KLHDC4: variants seen among roughly 807,000 people sequenced by gnomAD.
The protein encoded by KLHDC4 is kelch domain containing 4, also known as kelch domain-containing protein 4.
KLHDC4 carries 90 observed loss-of-function variants against 62.4 expected under a neutral mutation model. The observed-to-expected ratio is 1.44, with a 90% CI of 1.22 to 1.72. The LOEUF is 1.72. Ranked by LOEUF, KLHDC4 falls within the 40% of genes most tolerant of loss-of-function variation. KLHDC4 has a pLI of 0.00. For missense variants in KLHDC4, 1,025 were observed against 699.7 expected (o/e 1.47, Z -5.25); for synonymous variants, 386 against 284.4 (o/e 1.36, Z -3.59).
chr16:87,743,305 G>A (rs535427826), intron 5 of KLHDC4, among the ~76,000 whole-genome samples: 19 of 152,036 alleles, frequency 1.2e-4, no homozygotes, highest in African/African-American at 3.1e-4. Flanking sequence ...ATGTTGTCCC[G>A]GCTGGTCTCA....
At chr16:87,743,459 G>C (rs563909664) in intron 5 of KLHDC4, among the ~76,000 whole-genome samples, 1 of 152,082 alleles carries the variant, frequency 6.6e-6, no homozygotes, top group Non-Finnish European at 1.5e-5. Context: ...AATAAACCTG[G>C]CCAGGCGCCG....
At chr16:87,765,545 T>A (rs760355226) in intron 1 of KLHDC4, among the ~76,000 whole-genome samples, 3 of 151,670 alleles carry the variant, frequency 2.0e-5, no homozygotes, top group Non-Finnish European at 4.4e-5. Context: ...GACACCACAC[T>A]AAGAAAAGCA....
chr16:87,742,847 G>C (rs1403740775), intron 5 of KLHDC4: 2 of 152,214 alleles, frequency 1.3e-5, no homozygotes, highest in Non-Finnish European at 2.9e-5. Flanking sequence ...GGCCCCTCCA[G>C]ACGAGTTGCC....
Position 87,759,133 on chromosome 16 carries a change from T to C in KLHDC4, c.192-2656A>G, listed in dbSNP as rs1408324099. Among the ~76,000 whole-genome samples the C allele has an allele frequency of 4.6e-5, 7 of 152,066 alleles. No individual in the cohort carries two copies. The East Asian group carries it at 5.8e-4, about 13-fold the overall frequency. On this transcript the variant is annotated intron_variant, in intron 2 of 11. Coordinates refer to ENST00000270583, the MANE Select transcript of KLHDC4 (RefSeq NM_017566.4). ...GTTGCGGTGAGCCGATATCATACCA[T>C]TGCACTCCAGCCTGGGCAACAAGAG...
At chr16:87,741,460 C>T (rs1387217184) in intron 5 of KLHDC4, among the ~76,000 whole-genome samples, 1 of 152,190 alleles carries the variant, frequency 6.6e-6, no homozygotes, top group Non-Finnish European at 1.5e-5. Flanking sequence ...GCTGCACACA[C>T]CATAGATCCA....
chr16:87,762,222 C>T (rs1688270024), intron 1 of KLHDC4, 182 bp from the exon 2 acceptor site: 6 of 1,302,252 alleles, frequency 4.6e-6, no homozygotes, highest in Non-Finnish European at 6.1e-6. Flanking sequence ...CAGAGCTTGA[C>T]CTCAAAGGCA....
chr16:87,709,171 T>C, intron 10 of KLHDC4, 94 bp downstream of exon 10: 1 of 1,485,188 alleles, frequency 6.7e-7, no homozygotes, highest in Non-Finnish European at 9.1e-7. Context: ...ACAGGCCGCC[T>C]CTGGGCAGCT....
At chr16:87,699,657 C>G (rs1263598990) in exon 1 of KLHDC4, 1 of 152,462 alleles carries the variant, frequency 6.6e-6, no homozygotes, top group African/African-American at 2.4e-5. Context: ...AGAGATCGCG[C>G]CACTGCACTC....
At chr16:87,717,220 G>C (rs569355917) in intron 7 of KLHDC4, among the ~76,000 whole-genome samples, 6 of 152,336 alleles carry the variant, frequency 3.9e-5, no homozygotes, top group African/African-American at 1.4e-4. Context: ...GACAGAGTGA[G>C]ACTTCTCAAA....
chr16:87,759,812 T>C (rs1033072069), intron 2 of KLHDC4, among the ~76,000 whole-genome samples: 16 of 152,272 alleles, frequency 1.1e-4, no homozygotes, highest in African/African-American at 3.6e-4. Context: ...ACCTATTGAT[T>C]TTCTGCAGAA....
chr16:87,724,784 C>T (rs929944266), intron 7 of KLHDC4, among the ~76,000 whole-genome samples: 1 of 152,176 alleles, frequency 6.6e-6, no homozygotes, highest in African/African-American at 2.4e-5. Flanking sequence ...TATTAAATAA[C>T]ACCCACACCC....
chr16:87,765,315 G>C (rs1308559929), intron 1 of KLHDC4: 3 of 456,292 alleles, frequency 6.6e-6, no homozygotes, highest in Non-Finnish European at 1.3e-5. Context: ...TCACTGCTCA[G>C]GGCTGCTGTG....
At chr16:87,700,975 G>A (rs1454061688) in exon 1 of KLHDC4, 5 of 217,256 alleles carry the variant, frequency 2.3e-5, no homozygotes, top group South Asian at 1.5e-4. Flanking sequence ...TGAGGCAGTC[G>A]GTACGCAGAA....
At chr16:87,747,404 G>C (rs1401835550) in intron 5 of KLHDC4, among the ~76,000 whole-genome samples, 1 of 152,248 alleles carries the variant, frequency 6.6e-6, no homozygotes, top group Non-Finnish European at 1.5e-5. Context: ...GGACAACTGT[G>C]TGCTGAGTGG....
chr16:87,758,644 T>G (rs1197145315), intron 2 of KLHDC4, among the ~76,000 whole-genome samples: 1 of 152,082 alleles, frequency 6.6e-6, no homozygotes, highest in East Asian at 1.9e-4. Flanking sequence ...GGGCCACGCA[T>G]AAAATACACT....
Position 87,748,718 on chromosome 16 carries a change from T to C in KLHDC4, c.461A>G (p.Asp154Gly). Reference sequence around the variant, plus strand: ...GGTGGCCAAATGCAGGACCCAGAGATCCTTGTAGTGGTAGAACTGCTCTCC... The same window carrying C: ...GGTGGCCAAATGCAGGACCCAGAGACCCTTGTAGTGGTAGAACTGCTCTCC... ...PNGEQFYHYK[D>G]LWVLHLATKT... The change falls in exon 5 of 12, where the codon GAT becomes GGT. Residue 154 changes from aspartate (D) to glycine (G), a missense_variant. Transcript: ENST00000270583. 1 of 1,613,348 alleles carries C rather than the reference T, an allele frequency of 6.2e-7. No homozygotes were observed. The highest frequency in any genetic ancestry group is 1.1e-5 in the South Asian group (1 of 90,978).
intron 2 of KLHDC4, among the ~76,000 whole-genome samples, chr16:87,759,052 G>A (rs1334684106): frequency 6.6e-6 from 1 of 152,142 alleles, no homozygotes; most frequent in Non-Finnish European, 1.5e-5. Flanking sequence ...GCGCATGCCT[G>A]TAATCCCAGC....
intron 6 of KLHDC4, among the ~76,000 whole-genome samples, chr16:87,728,754 G>A (rs117130241): frequency 0.013 from 2,041 of 152,128 alleles, 24 homozygotes; most frequent in Non-Finnish European, 0.021. Flanking sequence ...GCCGAGGCAT[G>A]TGGATCATGA....
chr16:87,727,206 T>C (rs1180438582), intron 6 of KLHDC4, among the ~76,000 whole-genome samples: 1 of 151,986 alleles, frequency 6.6e-6, no homozygotes, highest in Admixed American at 6.5e-5. Flanking sequence ...CAAGTTTGAA[T>C]TGATATGAAA....
Sources: allele counts gnomAD v4.1 joint callset (sites outside exome capture counted in the v4.1 genomes callset), GRCh38; gene constraint gnomAD v4.1.1; transcripts MANE v1.5; gene names NCBI Gene and HGNC (gene_info 2026-07-23, HGNC 2026-07-21).